PCDHA1: variants seen among roughly 807,000 people sequenced by gnomAD.
PCDHA1 encodes the protein protocadherin alpha-1.
Under a neutral mutation model 61.3 loss-of-function variants are expected in PCDHA1, and 42 were observed. That is an observed-to-expected ratio of 0.69 (90% CI 0.54 to 0.89). PCDHA1 has a LOEUF of 0.89. PCDHA1 is among the 40% of genes least tolerant of loss of function. PCDHA1 has a pLI of 0.00. For missense variants in PCDHA1, 1,256 were observed against 1,235.3 expected (o/e 1.02, Z -0.25); for synonymous variants, 610 against 553.8 (o/e 1.10, Z -1.43).
chr5:140,807,982 C>T, intron 1 of PCDHA1: 9 of 1,613,432 alleles, frequency 5.6e-6, no homozygotes, highest in Non-Finnish European at 7.6e-6. Context: ...TTAAACTTAA[C>T]GCCTCAGATT....
chr5:140,812,087 C>A (rs1645799972), intron 1 of PCDHA1: 1 of 149,340 alleles, frequency 6.7e-6, no homozygotes, highest in African/African-American at 2.5e-5. Flanking sequence ...AAACAATTAT[C>A]ATTGATTCTT....
Position 140,839,456 on chromosome 5 carries a change from C to G in PCDHA1, c.2394+50772C>G, listed in dbSNP as rs1456767329. Reference sequence around the variant, plus strand: ...CCAGACTGCAGTGCAGTGGCACAATCTGGGCTTACTGCAATCTCTGCCTCC... The same window carrying G: ...CCAGACTGCAGTGCAGTGGCACAATGTGGGCTTACTGCAATCTCTGCCTCC... On this transcript the variant is annotated intron_variant, in intron 1 of 3. Transcript: ENST00000504120. 1.3e-5 allele frequency among the ~76,000 whole-genome samples: 2 copies of G among 151,882 alleles called. 1 individual carries two copies. The highest frequency in any genetic ancestry group is 2.9e-5 in the Non-Finnish European group (2 of 67,974).
At chr5:140,812,747 C>G (rs2126641508) in intron 1 of PCDHA1, 1 of 152,250 alleles carries the variant, frequency 6.6e-6, no homozygotes, top group African/African-American at 2.4e-5. Context: ...GCGTGAGCCA[C>G]TGAGCTTGCC....
intron 1 of PCDHA1, chr5:140,803,942 T>A (rs1163892292): frequency 1.0e-5 from 4 of 383,608 alleles, no homozygotes; most frequent in Non-Finnish European, 1.9e-5. Flanking sequence ...CCCTATACAA[T>A]GCTTCTTCAA....
At chr5:140,842,748 C>A in intron 1 of PCDHA1, 1 of 1,595,020 alleles carries the variant, frequency 6.3e-7, no homozygotes, top group Non-Finnish European at 8.6e-7. Flanking sequence ...CACATCTTCA[C>A]GGTGTCTGCG....
chr5:140,864,625 G>GAAAAC (rs1229518182), intron 1 of PCDHA1: 2 of 152,052 alleles, frequency 1.3e-5, no homozygotes, highest in Non-Finnish European at 2.9e-5. Flanking sequence ...TTTTTAAAAA[G>GAAAAC]AAAACAAAAC....
intron 1 of PCDHA1, chr5:140,883,431 C>T: frequency 6.2e-7 from 1 of 1,614,172 alleles, no homozygotes. Flanking sequence ...GTCACCTGCA[C>T]CTTGACGCCG....
intron 1 of PCDHA1, among the ~76,000 whole-genome samples, chr5:140,888,739 GA>G (rs782625301): frequency 6.6e-6 from 1 of 151,978 alleles, no homozygotes; most frequent in Non-Finnish European, 1.5e-5. Flanking sequence ...TGAGCTCTAG[GA>G]ATTATTCTAC....
At chr5:140,829,079 A>G (rs1770100550) in intron 1 of PCDHA1, 1 of 1,611,828 alleles carries the variant, frequency 6.2e-7, no homozygotes, top group South Asian at 1.1e-5. Context: ...CCATCCTCCC[A>G]TGGCGGGTCA....
Position 140,856,234 on chromosome 5 carries a change from G to A in PCDHA1, c.2394+67550G>A. On this transcript the variant is annotated intron_variant, in intron 1 of 3. Transcript: ENST00000504120. ...AGCTGGCGGAGCTGGTGCAGCGCCT[G>A]TTCCGGGTGGCGTCCAAAAGACACG... 3 of 1,598,040 alleles carry A rather than the reference G, an allele frequency of 1.9e-6. 1 individual carries two copies. Among genetic ancestry groups the A allele is most frequent in the Non-Finnish European group, 2.6e-6 (3 of 1,167,878 alleles).
intron 1 of PCDHA1, among the ~76,000 whole-genome samples, chr5:140,911,647 G>A (rs1554194849): frequency 2.0e-5 from 3 of 152,160 alleles, no homozygotes; most frequent in African/African-American, 7.2e-5. Flanking sequence ...ATTACATATA[G>A]AGTTACTAAA....
chr5:140,996,557 T>C (rs1200836194), intron 3 of PCDHA1, among the ~76,000 whole-genome samples: 3 of 152,226 alleles, frequency 2.0e-5, no homozygotes, highest in Admixed American at 6.5e-5. Context: ...GTCACTATCT[T>C]GAAGTTCTTG....
intron 1 of PCDHA1, among the ~76,000 whole-genome samples, chr5:140,846,921 G>T (rs1780756664): frequency 6.7e-6 from 1 of 149,554 alleles, no homozygotes. Context: ...TTTCCTATTT[G>T]AATTTTTGAA....
intron 1 of PCDHA1, among the ~76,000 whole-genome samples, chr5:140,894,240 ATTTTC>A (rs2064382890): frequency 6.6e-6 from 1 of 151,828 alleles, no homozygotes; most frequent in African/African-American, 2.4e-5. Flanking sequence ...TGACAATGTA[ATTTTC>A]TTTTCTTTAC....
chr5:140,805,130 C>T, intron 1 of PCDHA1: 1 of 1,579,476 alleles, frequency 6.3e-7, no homozygotes, highest in Non-Finnish European at 8.6e-7. Flanking sequence ...TTGGCAAAGA[C>T]ATTTTGAAGA....
At chr5:140,958,867 T>C (rs1312043891) in intron 1 of PCDHA1, among the ~76,000 whole-genome samples, 1 of 152,146 alleles carries the variant, frequency 6.6e-6, no homozygotes, top group Non-Finnish European at 1.5e-5. Context: ...ACTGGGTTTA[T>C]AAAAGAATTG....
chr5:140,887,972 A>C (rs1169769147), intron 1 of PCDHA1, among the ~76,000 whole-genome samples: 1 of 152,114 alleles, frequency 6.6e-6, no homozygotes, highest in Non-Finnish European at 1.5e-5. Context: ...TCTCTTTTAA[A>C]ATTTATTTTA....
chr5:141,008,147 G>A (rs782783615), intron 3 of PCDHA1, among the ~76,000 whole-genome samples: 9 of 152,114 alleles, frequency 5.9e-5, no homozygotes, highest in Non-Finnish European at 1.3e-4. Context: ...CTGCTGAGAG[G>A]TTTGATAAGA....
At chr5:140,835,721 C>T (rs2150243026) in intron 1 of PCDHA1, 10 of 1,613,816 alleles carry the variant, frequency 6.2e-6, no homozygotes, top group Non-Finnish European at 8.5e-6. Context: ...TGGAGGTGGC[C>T]GACGTGAACG....
Sources: allele counts gnomAD v4.1 joint callset (sites outside exome capture counted in the v4.1 genomes callset), GRCh38; gene constraint gnomAD v4.1.1; transcripts MANE v1.5; gene names NCBI Gene and HGNC (gene_info 2026-07-23, HGNC 2026-07-21).